The following IGSF11 variants were observed in gnomAD, a reference collection of about 807,000 sequenced individuals.
The protein encoded by IGSF11 is CXADR like 1.
Under a neutral mutation model 41.0 loss-of-function variants are expected in IGSF11, and 22 were observed. The observed-to-expected ratio is 0.54, with a 90% confidence interval of 0.38 to 0.77. The LOEUF (loss-of-function observed/expected upper bound fraction) is 0.77, where lower values mean the gene tolerates loss of function less well. Ranked by LOEUF, IGSF11 falls within the 30% of genes least tolerant of loss-of-function variation. IGSF11 has a pLI of 0.00. For missense variants in IGSF11, 444 were observed against 530.8 expected, an observed-to-expected ratio of 0.84 and a Z score of 1.61; for synonymous variants, 219 against 201.3, an observed-to-expected ratio of 1.09 and a Z score of -0.74.
At chr3:118,970,750 C>CAAA (rs56812884) in intron 1 of IGSF11, among the ~76,000 whole-genome samples, 1 of 102,094 alleles carries the variant, frequency 9.8e-6, no homozygotes, top group African/African-American at 3.1e-5. Flanking sequence ...CACAGTTTTA[C>CAAA]AAAAAAAAAA....
intron 1 of IGSF11, among the ~76,000 whole-genome samples, chr3:119,056,081 T>C (rs1464358873): frequency 2.0e-5 from 3 of 151,620 alleles, no homozygotes; most frequent in Non-Finnish European, 4.4e-5. Context: ...CAAGAGCAAA[T>C]ACATTCAAAA....
At chr3:119,117,944 ACAT>A (rs1255094066) in intron 1 of IGSF11, among the ~76,000 whole-genome samples, 8 of 152,252 alleles carry the variant, frequency 5.3e-5, no homozygotes, top group African/African-American at 1.4e-4. Context: ...TCCGTGTCTC[ACAT>A]CTGGGTCACA....
intron 1 of IGSF11, among the ~76,000 whole-genome samples, chr3:119,009,829 G>C (rs1046336161): frequency 1.3e-5 from 2 of 152,026 alleles, no homozygotes; most frequent in Non-Finnish European, 2.9e-5. Context: ...CATACAAATT[G>C]GGAAAAGGCA....
intron 3 of IGSF11, among the ~76,000 whole-genome samples, chr3:118,927,363 G>A (rs571051404): frequency 2.6e-5 from 4 of 152,236 alleles, no homozygotes; most frequent in African/African-American, 9.6e-5. Flanking sequence ...GATAATATGG[G>A]AAGCCAGTCA....
chr3:119,076,707 G>A (rs765424207), intron 1 of IGSF11, among the ~76,000 whole-genome samples: 12 of 152,056 alleles, frequency 7.9e-5, no homozygotes, highest in East Asian at 1.9e-4. Context: ...CAAAATCACA[G>A]TGAGATACCA....
intron 4 of IGSF11, 126 bp from the exon 5 acceptor site, chr3:118,905,844 G>T: frequency 2.9e-6 from 3 of 1,021,518 alleles, no homozygotes; most frequent in Non-Finnish European, 4.2e-6. Flanking sequence ...TTTTGTGGGG[G>T]TAGGGTGAGA....
chr3:118,970,862 A>G (rs1933327557), intron 1 of IGSF11, among the ~76,000 whole-genome samples: 1 of 152,182 alleles, frequency 6.6e-6, no homozygotes, highest in Admixed American at 6.5e-5. Context: ...ATTTGTAGAA[A>G]TAGGTACTTA....
intron 1 of IGSF11, among the ~76,000 whole-genome samples, chr3:119,024,249 T>A (rs1393060433): frequency 6.6e-6 from 1 of 152,052 alleles, no homozygotes; most frequent in African/African-American, 2.4e-5. Flanking sequence ...AAATCACAAA[T>A]TAGAAAGCAT....
chr3:119,056,231 T>G (rs1254886519), intron 1 of IGSF11, among the ~76,000 whole-genome samples: 1 of 152,008 alleles, frequency 6.6e-6, no homozygotes, highest in Non-Finnish European at 1.5e-5. Flanking sequence ...CTAGCAAGAC[T>G]AATACAGAAG....
At chr3:119,060,636 C>T (rs1942023801) in intron 1 of IGSF11, among the ~76,000 whole-genome samples, 1 of 152,128 alleles carries the variant, frequency 6.6e-6, no homozygotes, top group Admixed American at 6.5e-5. Flanking sequence ...TTCAAAGAAG[C>T]TTTAAACTGC....
chr3:119,130,723 C>A (rs1240932724), intron 1 of IGSF11, among the ~76,000 whole-genome samples: 1 of 152,160 alleles, frequency 6.6e-6, no homozygotes, highest in Admixed American at 6.5e-5. Flanking sequence ...AGACAGACTG[C>A]CTCCTGAAGT....
intron 1 of IGSF11, among the ~76,000 whole-genome samples, chr3:119,008,343 T>C (rs1450391173): frequency 6.6e-6 from 1 of 152,164 alleles, no homozygotes; most frequent in Admixed American, 6.5e-5. Context: ...AATTCCAAAA[T>C]CTCCAAACCA....
At chr3:118,996,428 C>T (rs1013131688) in intron 1 of IGSF11, among the ~76,000 whole-genome samples, 4 of 152,146 alleles carry the variant, frequency 2.6e-5, no homozygotes, top group Admixed American at 1.3e-4. Context: ...ACTTCCATGC[C>T]ACCATCATCT....
Position 119,045,577 on chromosome 3 carries a change from A to G in IGSF11, c.49+59567T>C, listed in dbSNP as rs1236387909. Among the ~76,000 whole-genome samples, 10 of 152,214 alleles carry G rather than the reference A, an allele frequency of 6.6e-5. 1 individual carries two copies. The highest frequency in any genetic ancestry group is 6.2e-4 in the South Asian group (3 of 4,812). Reference sequence around the variant, plus strand: ...CAGTGAGGCTGGGGGAGGGGCGCCCACCATTGCCCAGGCTTGCTTAGGTAA... The same window carrying G: ...CAGTGAGGCTGGGGGAGGGGCGCCCGCCATTGCCCAGGCTTGCTTAGGTAA... On this transcript the variant is annotated intron_variant, in intron 1 of 6. Transcript: ENST00000354673.
chr3:119,057,062 C>T (rs1006690170), intron 1 of IGSF11, among the ~76,000 whole-genome samples: 18 of 152,238 alleles, frequency 1.2e-4, no homozygotes, highest in African/African-American at 4.3e-4. Context: ...AAAACTGGCA[C>T]AAGACAGGGA....
upstream of IGSF11, chr3:119,034,996 C>A (rs926704461): frequency 1.6e-5 from 4 of 253,670 alleles, no homozygotes; most frequent in Admixed American, 2.6e-4. Context: ...GCGGCCCACC[C>A]GCGGAGCAGA....
chr3:119,105,552 T>A (rs1404034943), upstream of IGSF11, among the ~76,000 whole-genome samples: 1 of 152,068 alleles, frequency 6.6e-6, no homozygotes, highest in East Asian at 1.9e-4. Context: ...TTACTCCTTG[T>A]AGTAGGTCAC....
At chr3:119,104,121 G>T (rs1371297964) in intron 1 of IGSF11, among the ~76,000 whole-genome samples, 1 of 151,974 alleles carries the variant, frequency 6.6e-6, no homozygotes, top group Non-Finnish European at 1.5e-5. Context: ...CATCTTAGTC[G>T]CCCAATTTCC....
chr3:119,035,722 ATCTT>A (rs1312348385), upstream of IGSF11, among the ~76,000 whole-genome samples: 1 of 152,166 alleles, frequency 6.6e-6, no homozygotes. Context: ...TGTAAAACCT[ATCTT>A]TATTCTCTTA....
Sources: allele counts gnomAD v4.1 joint callset (sites outside exome capture counted in the v4.1 genomes callset), GRCh38; gene constraint gnomAD v4.1.1; transcripts MANE v1.5; gene names NCBI Gene and HGNC (gene_info 2026-07-23, HGNC 2026-07-21).